TRPC4AP: variants seen among roughly 807,000 people sequenced by gnomAD.
The protein encoded by TRPC4AP is short transient receptor potential channel 4-associated protein.
In TRPC4AP, 45 loss-of-function variants were observed where a neutral mutation model predicts 99.0. The ratio of observed to expected loss-of-function variants is 0.45; its 90% confidence interval spans 0.36 to 0.58. The LOEUF is 0.58. TRPC4AP is among the 20% of genes least tolerant of loss of function. The probability of loss-of-function intolerance (pLI) is 0.00; values close to 1 mark genes in which losing one functional copy is unlikely to be tolerated. For synonymous variants in TRPC4AP, 408 were observed against 385.8 expected, an observed-to-expected ratio of 1.06 and a Z score of -0.67; for missense variants, 879 against 985.3, an observed-to-expected ratio of 0.89 and a Z score of 1.44.
intron 8 of TRPC4AP, among the ~76,000 whole-genome samples, chr20:35,028,863 A>T (rs1407560203): frequency 1.3e-5 from 2 of 152,200 alleles, no homozygotes; most frequent in Non-Finnish European, 2.9e-5. Flanking sequence ...GGATGCATAC[A>T]TGTTTATAAC....
At chr20:35,070,123 T>C (rs995385638) in intron 2 of TRPC4AP, among the ~76,000 whole-genome samples, 2 of 152,086 alleles carry the variant, frequency 1.3e-5, no homozygotes, top group Non-Finnish European at 2.9e-5. Flanking sequence ...AGAGACCATT[T>C]TGGACATTCC....
rs1600656823 is a variant in TRPC4AP, at chr20:35,078,634, A to T, written c.169-460T>A. Among the ~76,000 whole-genome samples, 4 of 152,360 alleles carry T rather than the reference A, an allele frequency of 2.6e-5. No homozygotes were observed. The South Asian group carries it at 8.3e-4, about 32-fold the overall frequency. On this transcript the variant is annotated intron_variant, in intron 1 of 18. Transcript: ENST00000252015. Reference sequence around the variant, plus strand: ...TATACATTAATCCAACTATATCAATAATCACTGTAAATATCTATGAATGGT... The same window carrying T: ...TATACATTAATCCAACTATATCAATTATCACTGTAAATATCTATGAATGGT...
At chr20:35,074,535 G>C (rs1452079709) in intron 2 of TRPC4AP, among the ~76,000 whole-genome samples, 1 of 152,220 alleles carries the variant, frequency 6.6e-6, no homozygotes, top group Non-Finnish European at 1.5e-5. Context: ...GTACCCAGCA[G>C]TCATTCAGGA....
rs140212889 is a variant in TRPC4AP at position 35,004,272 on chromosome 20, G to A, written c.2049+186C>T. Among the ~76,000 whole-genome samples the A allele has an allele frequency of 3.1e-3, 476 of 152,298 alleles. 2 individuals carry two copies. The highest frequency in any genetic ancestry group is 5.6e-3 in the Non-Finnish European group (384 of 68,020). ...CAGCCTGTGACCTGAGGGCACTTGC[G>A]AGCCCTCCTTCCTTAGGCCCTGTCT... On this transcript the variant is annotated intron_variant, in intron 17 of 18. Transcript: ENST00000252015.
At chr20:35,057,234 T>C (rs2083856854) in intron 4 of TRPC4AP, among the ~76,000 whole-genome samples, 2 of 152,140 alleles carry the variant, frequency 1.3e-5, no homozygotes, top group South Asian at 2.1e-4. Flanking sequence ...GCTAGTTATA[T>C]GTGAGAAAGA....
chr20:35,012,486 C>G (rs1482958481), intron 11 of TRPC4AP, among the ~76,000 whole-genome samples: 2 of 152,190 alleles, frequency 1.3e-5, no homozygotes, highest in Non-Finnish European at 2.9e-5. Flanking sequence ...CTAGTCACCC[C>G]CTTCCTGCAC....
intron 11 of TRPC4AP, among the ~76,000 whole-genome samples, 179 bp downstream of exon 11, chr20:35,012,829 G>C (rs781331362): frequency 5.9e-5 from 9 of 152,292 alleles, no homozygotes; most frequent in African/African-American, 1.2e-4. Context: ...CTGCCATAAG[G>C]AAGTCTGGAA....
At chr20:35,091,205 G>A (rs2085054682) in intron 1 of TRPC4AP, among the ~76,000 whole-genome samples, 1 of 151,892 alleles carries the variant, frequency 6.6e-6, no homozygotes, top group African/African-American at 2.4e-5. Flanking sequence ...GCCTGGGCTG[G>A]TCTCGAATTC....
At chr20:35,074,717 G>A (rs1314414272) in intron 2 of TRPC4AP, among the ~76,000 whole-genome samples, 3 of 152,296 alleles carry the variant, frequency 2.0e-5, no homozygotes, top group East Asian at 1.9e-4. Context: ...GAATAAGTGC[G>A]ACGTGGCGCT....
intron 5 of TRPC4AP, among the ~76,000 whole-genome samples, chr20:35,054,676 AC>A (rs1420092479): frequency 1.3e-5 from 2 of 152,188 alleles, no homozygotes; most frequent in East Asian, 3.9e-4. Flanking sequence ...CTTAAAGGTC[AC>A]AGTCTGCCAA....
At chr20:35,003,978 C>T (rs979894310) in intron 17 of TRPC4AP, among the ~76,000 whole-genome samples, 8 of 152,236 alleles carry the variant, frequency 5.3e-5, no homozygotes, top group African/African-American at 1.2e-4. Context: ...CACTAGCCTG[C>T]GCGCCTCGGT....
In TRPC4AP at chr20:35,028,899, CCT is replaced by C. The variant is rs560340999; in HGVS notation, c.1051+6222_1051+6223del. On this transcript the variant is annotated intron_variant, in intron 8 of 18. Transcript: ENST00000252015. The stretch of plus-strand genomic sequence containing the variant: ...TGTTGTATCTTCTTGATGGTTTCAC[CCT>C]GTTATTATCAAATATCCCTATTTTG... 4.7e-3 allele frequency among the ~76,000 whole-genome samples: 708 copies of C among 152,122 alleles called. 4 individuals carry two copies. Among genetic ancestry groups the C allele is most frequent in the Non-Finnish European group, 8.1e-3 (552 of 68,000 alleles).
At chr20:35,076,161 A>C (rs951075443) in intron 2 of TRPC4AP, among the ~76,000 whole-genome samples, 3 of 152,168 alleles carry the variant, frequency 2.0e-5, no homozygotes, top group African/African-American at 4.8e-5. Flanking sequence ...CCATTCGTCT[A>C]ATCTTTTGTC....
At chr20:35,091,409 T>C (rs1254514804) in intron 1 of TRPC4AP, among the ~76,000 whole-genome samples, 3 of 152,154 alleles carry the variant, frequency 2.0e-5, no homozygotes, top group Non-Finnish European at 4.4e-5. Context: ...TAGCCTTTAT[T>C]TTATTCTATC....
intron 1 of TRPC4AP, among the ~76,000 whole-genome samples, chr20:35,091,035 G>A (rs1021073726): frequency 2.0e-5 from 3 of 151,846 alleles, no homozygotes; most frequent in Admixed American, 2.0e-4. Context: ...GAAGGAAAGA[G>A]CAAGTATTTC....
Position 35,035,374 on chromosome 20 carries a change from C to T in TRPC4AP, c.866-66G>A, listed in dbSNP as rs1231740077. 11 of 1,498,432 alleles carry T rather than the reference C, an allele frequency of 7.3e-6. No individual in the cohort carries two copies. In the East Asian group the frequency reaches 2.3e-4, roughly 31 times the overall value. The allele number at this position is 1,498,432 out of a possible 1,614,324, so 92.8% of individuals were successfully genotyped here. On this transcript the variant is annotated intron_variant, in intron 7 of 18. Transcript: ENST00000252015. The stretch of plus-strand genomic sequence containing the variant: ...GACCAGCAAAACTACCCCTAAAGCC[C>T]TAACAAACAATCTGCATGATAGGAA...
rs565553830 is a variant in TRPC4AP at position 35,045,581 on chromosome 20, C to T, written c.658-869G>A. Among the ~76,000 whole-genome samples, 7 of 152,218 alleles carry T rather than the reference C, an allele frequency of 4.6e-5. No individual in the cohort carries two copies. In the South Asian group the frequency reaches 1.5e-3, roughly 32 times the overall value. On this transcript the variant is annotated intron_variant, in intron 6 of 18. Transcript: ENST00000252015. ...TTTGAGATGGTATCTCATTGTCGCC[C>T]AGGCTGGAGTGCAGTGGCGCAATCT...
chr20:35,028,687 G>A lies in TRPC4AP; in HGVS notation c.1051+6436C>T, dbSNP rs75624842. Among the ~76,000 whole-genome samples the A allele has an allele frequency of 5.6e-3, 856 of 152,194 alleles. 5 individuals carry two copies. The highest frequency in any genetic ancestry group is 0.019 in the African/African-American group (805 of 41,534). On this transcript the variant is annotated intron_variant, in intron 8 of 18. Transcript: ENST00000252015. ...GTTCTACAGTTCTCTGTTAGTCCTT[G>A]TTGGTATACAGTGTTATTTAAGTCT...
At chr20:35,082,330 A>G (rs2084668458) in intron 1 of TRPC4AP, among the ~76,000 whole-genome samples, 1 of 152,310 alleles carries the variant, frequency 6.6e-6, no homozygotes, top group East Asian at 1.9e-4. Flanking sequence ...ATACAAATAG[A>G]ACATTTGCAA....
Sources: allele counts gnomAD v4.1 joint callset (sites outside exome capture counted in the v4.1 genomes callset), GRCh38; gene constraint gnomAD v4.1.1; transcripts MANE v1.5; gene names NCBI Gene and HGNC (gene_info 2026-07-23, HGNC 2026-07-21).